Variants in ZNRF3 observed in about 807,000 individuals in gnomAD.
ZNRF3 encodes the protein zinc and ring finger 3.
Under a neutral mutation model 72.5 loss-of-function variants are expected in ZNRF3, and 23 were observed. That is an observed-to-expected ratio of 0.32 (90% confidence interval 0.23 to 0.45). ZNRF3 has a LOEUF of 0.45. ZNRF3 is among the 20% of genes least tolerant of loss of function. The pLI is 1.00. For synonymous variants in ZNRF3, 610 were observed against 545.3 expected (o/e 1.12, Z -1.65); for missense variants, 1,169 against 1,272.1 (o/e 0.92, Z 1.23).
At chr22:28,945,059 T>C (rs2035026926) in intron 1 of ZNRF3, among the ~76,000 whole-genome samples, 1 of 151,834 alleles carries the variant, frequency 6.6e-6, no homozygotes, top group African/African-American at 2.4e-5. Context: ...GGCTTATGCC[T>C]GTAATCCCAG....
Position 29,055,378 on chromosome 22 carries a change from GA to G in ZNRF3, c.*1758del, listed in dbSNP as rs951232679. ...GAGACCTGGCCCCCTGTGGGTAGGAGAACAAGGACCACCTGGGTTCTCCAGT... is the reference window on the plus strand; with the variant it reads ...GAGACCTGGCCCCCTGTGGGTAGGAGACAAGGACCACCTGGGTTCTCCAGT... On this transcript the variant is annotated 3_prime_UTR_variant, in exon 9 of 9. Coordinates refer to ENST00000544604, the MANE Select transcript of ZNRF3 (RefSeq NM_001206998.2). The G allele has an allele frequency of 1.3e-5, 2 of 152,198 alleles. No individual in the cohort carries two copies. The highest frequency in any genetic ancestry group is 2.9e-5 in the Non-Finnish European group (2 of 68,024). The allele number at this position is 152,198 out of a possible 1,614,324, so 9.4% of individuals were successfully genotyped here. A position where few individuals can be genotyped will look rare whatever the true frequency, so the allele number is the denominator to read the frequency against.
chr22:28,885,606 A>C (rs1408135419), intron 1 of ZNRF3, among the ~76,000 whole-genome samples: 8 of 151,306 alleles, frequency 5.3e-5, no homozygotes, highest in Non-Finnish European at 1.2e-4. Flanking sequence ...AAAAAAAAAA[A>C]AAAAAAAAGA....
At chr22:28,944,660 AAG>A (rs2035014875) in intron 1 of ZNRF3, among the ~76,000 whole-genome samples, 1 of 151,264 alleles carries the variant, frequency 6.6e-6, no homozygotes, top group Admixed American at 6.6e-5. Flanking sequence ...GAGGCTGAGG[AAG>A]GAGAATCACT....
chr22:29,010,915 C>T (rs1008387246), intron 2 of ZNRF3, among the ~76,000 whole-genome samples: 2 of 152,146 alleles, frequency 1.3e-5, no homozygotes, highest in Non-Finnish European at 1.5e-5. Context: ...GTGATCCACC[C>T]GCCTCAGCCT....
rs1266856533 is a variant in ZNRF3 at position 28,975,394 on chromosome 22, C to CG, written c.301-11676dup. Reference sequence around the variant, plus strand: ...GCGGACGCCTGTAGTCCCAGCTACTCGGGGGGCTGAGGCAGGAGAATCACT... The same window carrying CG: ...GCGGACGCCTGTAGTCCCAGCTACTCGGGGGGGCTGAGGCAGGAGAATCACT... On this transcript the variant is annotated intron_variant, in intron 1 of 8. Transcript: ENST00000544604. 6.1e-5 allele frequency among the ~76,000 whole-genome samples: 9 copies of CG among 147,396 alleles called. No individual in the cohort carries two copies. In the East Asian group the frequency reaches 1.8e-3, roughly 30 times the overall value.
rs777426787 is a variant in ZNRF3 at position 29,044,927 on chromosome 22, C to G, written c.744+37C>G. ...GTGTGTAGCCCGTGAGCAGTAACCC[C>G]TCTTGCCGTGACACTGGGGAAAACC... On this transcript the variant is annotated intron_variant, in intron 5 of 8. Transcript: ENST00000544604. 8.9e-6 allele frequency: 13 copies of G among 1,460,448 alleles called. No homozygotes were observed. In the South Asian group the frequency reaches 1.5e-4, roughly 17 times the overall value. 90.5% of individuals were successfully genotyped at this position (1,460,448 alleles called of 1,614,324 possible).
In ZNRF3 at chr22:29,050,086, G is replaced by A. The variant is rs937095908; in HGVS notation, c.1905G>A (p.Ala635=). The change falls in exon 8 of 9, where the codon GCG becomes GCA. Residue 635 remains alanine (A), a synonymous_variant. Coordinates refer to ENST00000544604, the MANE Select transcript of ZNRF3 (RefSeq NM_001206998.2). ...EGSPPPEELP[A]VHSHGAGRGE... is the part of the protein sequence containing the mutation. ...CCCCGCCTCCCGAGGAGCTCCCGGCGGTGCACAGTCATGGTGCTGGGCGGG... is the reference window on the plus strand; with the variant it reads ...CCCCGCCTCCCGAGGAGCTCCCGGCAGTGCACAGTCATGGTGCTGGGCGGG... 3.7e-6 allele frequency: 6 copies of A among 1,608,182 alleles called. No individual in the cohort carries two copies. Among genetic ancestry groups the A allele is most frequent in the African/African-American group, 2.7e-5 (2 of 74,886 alleles).
Position 29,049,986 on chromosome 22 carries a change from G to A in ZNRF3, c.1805G>A (p.Arg602Gln), listed in dbSNP as rs748764925. The change falls in exon 8 of 9, where the codon CGG becomes CAG. Residue 602 changes from arginine (R) to glutamine (Q), a missense_variant. Physicochemically the swap from Arg to Gln is conservative, Grantham distance 43. Transcript: ENST00000544604. The surrounding 1 kb of genome is among the most constrained non-coding windows in gnomAD (Gnocchi z 5.2). ...TATGACCCCTTCATCTACCGCAGCC[G>A]GAGCCCCTGTCGTGCCAGTGAGGCG... is the stretch of plus-strand genomic sequence containing the variant. ...SDYDPFIYRSRSPCRASEAGG... is the reference protein window; with the variant it reads ...SDYDPFIYRSQSPCRASEAGG... 5 of 1,612,112 alleles carry A rather than the reference G, an allele frequency of 3.1e-6. No homozygotes were observed. The Admixed American group carries it at 5.0e-5, about 16-fold the overall frequency.
At chr22:28,997,887 T>G (rs1021969301) in intron 2 of ZNRF3, among the ~76,000 whole-genome samples, 1 of 146,920 alleles carries the variant, frequency 6.8e-6, no homozygotes, top group Non-Finnish European at 1.5e-5. Context: ...CACTGTAGTC[T>G]CAGCTACTCA....
intron 1 of ZNRF3, among the ~76,000 whole-genome samples, chr22:28,896,033 C>T (rs1432239721): frequency 6.6e-6 from 1 of 152,198 alleles, no homozygotes; most frequent in African/African-American, 2.4e-5. Context: ...TCACTGCAAC[C>T]TCCCCATCCT....
intron 1 of ZNRF3, among the ~76,000 whole-genome samples, chr22:28,893,906 T>G (rs2033942502): frequency 6.6e-6 from 1 of 152,118 alleles, no homozygotes; most frequent in African/African-American, 2.4e-5. Context: ...ACAGGAGTGG[T>G]CTAGTTTATA....
intron 1 of ZNRF3, among the ~76,000 whole-genome samples, chr22:28,962,895 AG>A: frequency 6.6e-6 from 1 of 152,196 alleles, no homozygotes. Context: ...AATGCATTGA[AG>A]GAAGCCGTTT....
intron 2 of ZNRF3, among the ~76,000 whole-genome samples, chr22:29,020,181 T>A (rs2036505466): frequency 6.6e-6 from 1 of 151,856 alleles, no homozygotes; most frequent in Non-Finnish European, 1.5e-5. Context: ...TAAATAGTTG[T>A]TATAATGCAT....
intron 1 of ZNRF3, among the ~76,000 whole-genome samples, chr22:28,892,523 G>T (rs1035610569): frequency 6.6e-6 from 1 of 152,182 alleles, no homozygotes; most frequent in Admixed American, 6.5e-5. Flanking sequence ...CTTTCTAACG[G>T]AATAGGAAGG....
chr22:28,927,243 G>A (rs1030079719), intron 1 of ZNRF3, among the ~76,000 whole-genome samples: 7 of 152,126 alleles, frequency 4.6e-5, no homozygotes, highest in African/African-American at 1.7e-4. Context: ...TCATAGAAAG[G>A]CTTTAGCTTT....
At chr22:29,020,761 TTTTGTGTGTGTGTGGGTGTGTGTGTG>T (rs1189137887) in intron 2 of ZNRF3, among the ~76,000 whole-genome samples, 8 of 42,928 alleles carry the variant, frequency 1.9e-4, no homozygotes, top group Admixed American at 4.5e-4. Context: ...GGGGCTTTGT[TTTTGTGTGTGTGTGGGTGTGTGTGTG>T]TGTGTGTGTG....
chr22:29,051,132 C>T (rs1460314445), intron 8 of ZNRF3, among the ~76,000 whole-genome samples, 184 bp downstream of exon 8: 1 of 152,184 alleles, frequency 6.6e-6, no homozygotes, highest in East Asian at 1.9e-4. Context: ...CCCATTGAGC[C>T]CTCTGCTTCC....
At chr22:28,930,018 G>A (rs2034676491) in intron 1 of ZNRF3, among the ~76,000 whole-genome samples, 1 of 152,008 alleles carries the variant, frequency 6.6e-6, no homozygotes, top group Non-Finnish European at 1.5e-5. Context: ...ATTTCTGATG[G>A]GTTTTTTATT....
At position 29,046,810 on chromosome 22, in the gene ZNRF3, G is replaced by A. The variant is rs891900115; in HGVS notation, c.839G>A (p.Gly280Glu). The A allele has an allele frequency of 1.1e-5, 17 of 1,611,916 alleles. No individual in the cohort carries two copies. Among genetic ancestry groups the A allele is most frequent in the Non-Finnish European group, 1.4e-5 (16 of 1,178,956 alleles). The change falls in exon 6 of 9, where the codon GGG becomes GAG. Residue 280 changes from glycine to glutamate, a missense_variant. This residue lies in a region of ZNRF3 where 386 missense variants were observed against 540.7 expected (regional missense o/e 0.71). Coordinates refer to ENST00000544604, the MANE Select transcript of ZNRF3 (RefSeq NM_001206998.2). ...KSKGRREGSC[G>E]ALDTLSSSST... ...AAGGGGCGCCGGGAGGGGAGCTGTG[G>A]GGCCCTGGACACACTCAGCAGCAGC...
Sources: gnomAD v4.1 joint callset for allele counts (sites outside exome capture counted in the v4.1 genomes callset) on GRCh38, gnomAD v4.1.1 for gene constraint, gnomAD v4.1.1 regional missense constraint, Gnocchi (gnomAD v3.1) non-coding constraint, MANE v1.5 for transcripts, NCBI Gene and HGNC (gene_info 2026-07-23, HGNC 2026-07-21) for gene names.